Variants in FER observed in about 807,000 individuals in gnomAD.
FER encodes the protein tyrosine-protein kinase Fer.
A neutral mutation model predicts 111.0 loss-of-function variants in FER; 63 were observed. The ratio of observed to expected loss-of-function variants is 0.57; its 90% CI spans 0.46 to 0.70. The LOEUF is 0.70. Among genes scored for constraint, FER ranks in the 30% least tolerant of loss-of-function variants. The probability of loss-of-function intolerance (pLI) is 0.00; values close to 1 mark genes in which losing one functional copy is unlikely to be tolerated. For missense variants in FER, 914 were observed against 954.0 expected (o/e 0.96, Z 0.55); for synonymous variants, 327 against 313.9 (o/e 1.04, Z -0.44).
intron 13 of FER, among the ~76,000 whole-genome samples, chr5:108,994,432 A>G (rs985475927): frequency 1.3e-5 from 2 of 152,104 alleles, no homozygotes; most frequent in Non-Finnish European, 2.9e-5. Context: ...ATGTGCAGTC[A>G]TAGTTCTGAG....
rs192113175 is a variant in FER, at chr5:108,887,577, A to T, written c.1046+4059A>T. Among the ~76,000 whole-genome samples, 388 of 151,882 alleles carry T rather than the reference A, an allele frequency of 2.6e-3. 2 individuals are homozygous for T. The highest frequency in any genetic ancestry group is 8.9e-3 in the African/African-American group (370 of 41,546). Reference sequence around the variant, plus strand: ...AACCATTTGAAATTTTTATAAAAAAATTTTAATGTATTAAATACACTAAAT... The same window carrying T: ...AACCATTTGAAATTTTTATAAAAAATTTTTAATGTATTAAATACACTAAAT... On this transcript the variant is annotated intron_variant, in intron 9 of 19. Coordinates refer to ENST00000281092, the MANE Select transcript of FER (RefSeq NM_005246.4).
chr5:108,946,371 C>T, intron 11 of FER, 149 bp downstream of exon 11: 1 of 508,332 alleles, frequency 2.0e-6, no homozygotes, highest in Admixed American at 3.5e-5. Flanking sequence ...AAGATAAGTG[C>T]ATAATTTAAC....
chr5:109,094,580 A>G (rs1747247430), intron 16 of FER, among the ~76,000 whole-genome samples: 1 of 152,132 alleles, frequency 6.6e-6, no homozygotes, highest in African/African-American at 2.4e-5. Flanking sequence ...ATAACGGGCC[A>G]GATAATAAAA....
chr5:109,119,512 A>G lies in FER; in HGVS notation c.2048+18993A>G, dbSNP rs1750692532. Among the ~76,000 whole-genome samples, 3 of 152,212 alleles carry G rather than the reference A, an allele frequency of 2.0e-5. No homozygotes were observed. The South Asian group carries it at 6.2e-4, about 32-fold the overall frequency. ...TGATTTGGGGTGGAGAGTTCTGTAG[A>G]TGTCTGTTAGGTCTTCTTGGTGCAG... On this transcript the variant is annotated intron_variant, in intron 17 of 19. Coordinates refer to ENST00000281092, the MANE Select transcript of FER (RefSeq NM_005246.4).
chr5:108,797,126 C>T (rs1002676320), intron 2 of FER, among the ~76,000 whole-genome samples: 1 of 151,860 alleles, frequency 6.6e-6, no homozygotes, highest in African/African-American at 2.4e-5. Flanking sequence ...TTCAAGGCAG[C>T]GGGGTTTTTT....
intron 13 of FER, among the ~76,000 whole-genome samples, chr5:108,996,738 G>A (rs1764030666): frequency 1.3e-5 from 2 of 152,084 alleles, no homozygotes; most frequent in African/African-American, 2.4e-5. Flanking sequence ...TGTCTTGGCT[G>A]TGTGGGCTCT....
chr5:108,927,363 C>G (rs1212998668), intron 10 of FER, among the ~76,000 whole-genome samples: 1 of 149,912 alleles, frequency 6.7e-6, no homozygotes, highest in Non-Finnish European at 1.5e-5. Flanking sequence ...CGGGTTCACG[C>G]CATTGTTCTG....
chr5:108,883,704 G>A (rs1355880047), intron 9 of FER, among the ~76,000 whole-genome samples, 186 bp downstream of exon 9: 1 of 151,904 alleles, frequency 6.6e-6, no homozygotes, highest in Admixed American at 6.6e-5. Context: ...AAAATATAGT[G>A]TCCTTGGGAA....
At chr5:108,785,103 C>A (rs185717815) in intron 2 of FER, 20 of 472,940 alleles carry the variant, frequency 4.2e-5, no homozygotes, top group Non-Finnish European at 7.6e-5. Context: ...ATCACTGTCT[C>A]CTGTAGCTGG....
intron 13 of FER, among the ~76,000 whole-genome samples, chr5:109,032,917 G>A (rs921667999): frequency 6.6e-6 from 1 of 152,146 alleles, no homozygotes; most frequent in Non-Finnish European, 1.5e-5. Flanking sequence ...ATATTAACAA[G>A]TCAGGAGTCT....
intron 13 of FER, among the ~76,000 whole-genome samples, chr5:108,992,485 G>A (rs1024907942): frequency 1.3e-5 from 2 of 150,950 alleles, no homozygotes; most frequent in African/African-American, 4.9e-5. Flanking sequence ...CCCGGACGGG[G>A]TGGCTGGCCG....
chr5:109,047,028 TA>T, intron 15 of FER, 75 bp from the exon 16 acceptor site: 5 of 741,328 alleles, frequency 6.7e-6, no homozygotes, highest in Non-Finnish European at 1.1e-5. Context: ...ATTCTAGTTG[TA>T]AACCCTATTT....
intron 17 of FER, among the ~76,000 whole-genome samples, chr5:109,107,572 G>A (rs1208751138): frequency 6.6e-6 from 1 of 152,006 alleles, no homozygotes; most frequent in African/African-American, 2.4e-5. Context: ...TTATAAGTGA[G>A]AATATGCAAT....
In FER at chr5:108,933,610, G is replaced by GT. The variant is rs890568435; in HGVS notation, c.1237-12512dup. ...TTGGTTCCATATGAAATTTAAACTAGTTTTTTTTCTAATTCTATGAAGAAA... is the reference window on the plus strand; with the variant it reads ...TTGGTTCCATATGAAATTTAAACTAGTTTTTTTTTCTAATTCTATGAAGAAA... On this transcript the variant is annotated intron_variant, in intron 10 of 19. Transcript: ENST00000281092. 4.6e-5 allele frequency among the ~76,000 whole-genome samples: 7 copies of GT among 152,016 alleles called. No individual in the cohort carries two copies. In the East Asian group the frequency reaches 5.8e-4, roughly 13 times the overall value.
chr5:109,144,146 C>G (rs573993026), intron 17 of FER, among the ~76,000 whole-genome samples: 5 of 152,116 alleles, frequency 3.3e-5, no homozygotes, highest in Non-Finnish European at 7.4e-5. Flanking sequence ...GTAGAGAGCT[C>G]TCTGGACTCT....
At chr5:109,100,281 T>G in intron 16 of FER, 115 bp from the exon 17 acceptor site, 1 of 1,279,758 alleles carries the variant, frequency 7.8e-7, no homozygotes, top group Non-Finnish European at 1.1e-6. Flanking sequence ...GCAAAAAGCA[T>G]GGCCAAATGT....
chr5:108,897,428 A>G (rs1276412643), intron 9 of FER, among the ~76,000 whole-genome samples: 3 of 152,202 alleles, frequency 2.0e-5, no homozygotes, highest in African/African-American at 7.2e-5. Flanking sequence ...ATCATAATAT[A>G]TTTGAAAGCA....
At chr5:108,822,463 A>G (rs964543900) in intron 3 of FER, among the ~76,000 whole-genome samples, 2 of 152,222 alleles carry the variant, frequency 1.3e-5, no homozygotes, top group Non-Finnish European at 2.9e-5. Context: ...CTGTGTCATA[A>G]CACAGGGAGA....
Position 108,829,457 on chromosome 5 carries a change from G to A in FER, c.208-3313G>A, listed in dbSNP as rs560862809. 5.3e-5 allele frequency among the ~76,000 whole-genome samples: 8 copies of A among 152,258 alleles called. No individual in the cohort carries two copies. In the South Asian group the frequency reaches 1.7e-3, roughly 32 times the overall value. On this transcript the variant is annotated intron_variant, in intron 3 of 19. Transcript: ENST00000281092. The stretch of plus-strand genomic sequence containing the variant: ...GTTTAAGACCACCCTGAACAACATA[G>A]TGAGACCTTGTCTCTACTAAAAATC...
Sources: gnomAD v4.1 joint callset for allele counts (sites outside exome capture counted in the v4.1 genomes callset) on GRCh38, gnomAD v4.1.1 for gene constraint, MANE v1.5 for transcripts, NCBI Gene and HGNC (gene_info 2026-07-23, HGNC 2026-07-21) for gene names.